Variants in F5 observed in about 807,000 individuals in gnomAD.
F5 encodes activated protein c cofactor.
A neutral mutation model predicts 216.4 loss-of-function variants in F5; 138 were observed. That is an observed-to-expected ratio of 0.64 (90% CI 0.56 to 0.73). The LOEUF is 0.73. F5 is among the 30% of genes least tolerant of loss of function. The pLI is 0.00. For missense variants in F5, 2,403 were observed against 2,674.0 expected, an observed-to-expected ratio of 0.90 and a Z score of 2.24; for synonymous variants, 916 against 930.7, an observed-to-expected ratio of 0.98 and a Z score of 0.29.
chr1:169,572,321 A>G lies in F5; in HGVS notation c.273T>C (p.Tyr91=). ...TISGLLGPTL[Y]AEVGDIIKVH... is the part of the protein sequence containing the mutation. Reference sequence around the variant, plus strand: ...CTTTTATGATGTCTCCGACTTCAGCATATAAAGTAGGCCCAAGAAGTCCTG... The same window carrying G: ...CTTTTATGATGTCTCCGACTTCAGCGTATAAAGTAGGCCCAAGAAGTCCTG... Residue 91 remains tyrosine, a synonymous_variant, in exon 3 of 25, where the codon TAT becomes TAC. Coordinates refer to ENST00000367797, the MANE Select transcript of F5 (RefSeq NM_000130.5). 6.2e-7 allele frequency: 1 copy of G among 1,613,330 alleles called. No individual in the cohort carries two copies. The highest frequency in any genetic ancestry group is 1.7e-5 in the Admixed American group (1 of 59,954).
At chr1:169,562,058 A>G (rs2101833926) in intron 3 of F5, among the ~76,000 whole-genome samples, 1 of 152,030 alleles carries the variant, frequency 6.6e-6, no homozygotes, top group Non-Finnish European at 1.5e-5. Context: ...ATTTGCATAT[A>G]ATAACATTTA....
intron 3 of F5, among the ~76,000 whole-genome samples, chr1:169,567,954 G>A (rs1442546550): frequency 1.3e-5 from 2 of 152,112 alleles, no homozygotes; most frequent in Admixed American, 6.6e-5. Flanking sequence ...TAACACTTGT[G>A]CTAGGTATAG....
At chr1:169,528,164 T>C (rs1571564354) in intron 16 of F5, 70 bp from the exon 17 acceptor site, 2 of 1,580,268 alleles carry the variant, frequency 1.3e-6, no homozygotes, top group Non-Finnish European at 8.6e-7. Flanking sequence ...TAAGGAAATA[T>C]GGGGCAACCC....
chr1:169,546,022 T>C (rs1356512210), intron 11 of F5, among the ~76,000 whole-genome samples: 1 of 152,228 alleles, frequency 6.6e-6, no homozygotes, highest in Admixed American at 6.5e-5. Flanking sequence ...TTTGCTCTAC[T>C]TTGATGTGTC....
chr1:169,558,121 G>A (rs760424509), intron 5 of F5, among the ~76,000 whole-genome samples: 2 of 152,144 alleles, frequency 1.3e-5, no homozygotes, highest in Admixed American at 6.6e-5. Context: ...GGAAATAGAT[G>A]TTAGGATAAA....
At chr1:169,555,476 C>A in intron 6 of F5, 129 bp from the exon 7 acceptor site, 2 of 1,030,898 alleles carry the variant, frequency 1.9e-6, no homozygotes, top group Non-Finnish European at 2.9e-6. Flanking sequence ...AATGCTCAGG[C>A]AATTTTTGAA....
intron 2 of F5, among the ~76,000 whole-genome samples, chr1:169,580,178 C>A (rs915788447): frequency 6.6e-6 from 1 of 152,278 alleles, no homozygotes; most frequent in South Asian, 2.1e-4. Context: ...ACTTTCCTGA[C>A]CACCAGACTG....
intron 2 of F5, among the ~76,000 whole-genome samples, chr1:169,578,977 T>G (rs1660926647): frequency 6.6e-6 from 1 of 152,170 alleles, no homozygotes; most frequent in Non-Finnish European, 1.5e-5. Context: ...AGTCTTCCCT[T>G]AAATATTTAA....
intron 4 of F5, among the ~76,000 whole-genome samples, chr1:169,559,796 T>G (rs1006572639): frequency 6.6e-6 from 1 of 152,104 alleles, no homozygotes; most frequent in African/African-American, 2.4e-5. Flanking sequence ...AGTTTTAAGG[T>G]TTTTTTCAGT....
At position 169,560,594 on chromosome 1, in the gene F5, G is replaced by T; in HGVS notation, c.546C>A (p.Phe182Leu). Reference sequence around the variant, plus strand: ...GCAGGGGCCCAATCAGCCCCGAGTTGAAATCCTCGATCAGATTTTCATGGG... The same window carrying T: ...GCAGGGGCCCAATCAGCCCCGAGTTTAAATCCTCGATCAGATTTTCATGGG... The part of the protein sequence containing the change: ...YYSHENLIED[F>L]NSGLIGPLLI... Residue 182 changes from phenylalanine to leucine, a missense_variant, in exon 4 of 25, where the codon TTC becomes TTA. Physicochemically the swap from Phe to Leu is conservative, Grantham distance 22 (BLOSUM62 0). Coordinates refer to ENST00000367797, the MANE Select transcript of F5 (RefSeq NM_000130.5). 1 of 1,613,744 alleles carries T rather than the reference G, an allele frequency of 6.2e-7. No homozygotes were observed. Among genetic ancestry groups the T allele is most frequent in the Non-Finnish European group, 8.5e-7 (1 of 1,179,770 alleles).
intron 2 of F5, among the ~76,000 whole-genome samples, chr1:169,574,671 A>G (rs1311484133): frequency 1.3e-5 from 2 of 152,234 alleles, no homozygotes; most frequent in Admixed American, 1.3e-4. Flanking sequence ...TTTTTAAGGT[A>G]GATATTAAGA....
intron 4 of F5, among the ~76,000 whole-genome samples, 158 bp from the exon 5 acceptor site, chr1:169,559,454 G>T (rs527452007): frequency 8.5e-5 from 13 of 152,114 alleles, no homozygotes; most frequent in African/African-American, 3.1e-4. Context: ...AAGTAATAAT[G>T]GTTCTAGGGT....
intron 2 of F5, among the ~76,000 whole-genome samples, chr1:169,577,583 A>AAAT: frequency 9.4e-6 from 1 of 106,622 alleles, no homozygotes; most frequent in Non-Finnish European, 1.8e-5. Context: ...ATATATATAT[A>AAAT]TATATATATA....
Position 169,536,649 on chromosome 1 carries a change from G to C in F5, c.4828C>G (p.Pro1610Ala). 1 of 1,612,470 alleles carries C rather than the reference G, an allele frequency of 6.2e-7. No individual in the cohort carries two copies. Reference protein sequence around the residue: ...ETDIEDSDDIPEDTTYKKVVF... With the variant: ...ETDIEDSDDIAEDTTYKKVVF... ...ACTTTCTTATATGTGGTATCTTCTG[G>C]AATATCATCAGAGTCTTCAATATCT... The change falls in exon 14 of 25, where the codon CCA (proline) becomes GCA (alanine). Residue 1610 changes from proline to alanine, a missense_variant. Physicochemically the swap from Pro to Ala is conservative, Grantham distance 27. Transcript: ENST00000367797.
In F5 at chr1:169,513,775, G is replaced by T. The variant is rs1407840351; in HGVS notation, c.*538C>A. ...ACAATTTCAATGGGGCTACTGGAAA[G>T]ATGCTTGGCTGTTTTTTTACTCATG... is the stretch of plus-strand genomic sequence containing the variant. On this transcript the variant is annotated 3_prime_UTR_variant, in exon 25 of 25. Transcript: ENST00000367797. Among the ~76,000 whole-genome samples, 1 of 152,134 alleles carries T rather than the reference G, an allele frequency of 6.6e-6. No homozygotes were observed. The highest frequency in any genetic ancestry group is 1.5e-5 in the Non-Finnish European group (1 of 68,014).
At chr1:169,522,092 A>G (rs1305753757) in intron 21 of F5, among the ~76,000 whole-genome samples, 2 of 152,166 alleles carry the variant, frequency 1.3e-5, no homozygotes, top group East Asian at 1.9e-4. Context: ...GAGGGAATTG[A>G]CCAGTTAATT....
intron 7 of F5, among the ~76,000 whole-genome samples, chr1:169,554,634 T>A (rs1396071787): frequency 6.6e-6 from 1 of 152,374 alleles, no homozygotes; most frequent in Middle Eastern, 3.4e-3. Flanking sequence ...CAAGTTATTC[T>A]TCAGAATCCT....
At chr1:169,578,757 C>G (rs1479697184) in intron 2 of F5, among the ~76,000 whole-genome samples, 2 of 152,196 alleles carry the variant, frequency 1.3e-5, no homozygotes, top group East Asian at 3.9e-4. Flanking sequence ...CAACTTCCTA[C>G]TCATAACTAC....
At chr1:169,555,831 C>G (rs1660309456) in intron 6 of F5, among the ~76,000 whole-genome samples, 1 of 151,930 alleles carries the variant, frequency 6.6e-6, no homozygotes, top group Non-Finnish European at 1.5e-5. Flanking sequence ...CTCTATCTTC[C>G]ACGGATATCA....
Sources: gnomAD v4.1 joint callset for allele counts (sites outside exome capture counted in the v4.1 genomes callset) on GRCh38, gnomAD v4.1.1 for gene constraint, MANE v1.5 for transcripts, NCBI Gene and HGNC (gene_info 2026-07-23, HGNC 2026-07-21) for gene names.